Variants in NMNAT2 observed in about 807,000 individuals in gnomAD.
NMNAT2 encodes the protein nicotinamide/nicotinic acid mononucleotide adenylyltransferase 2.
In NMNAT2, 11 loss-of-function variants were observed where a neutral mutation model predicts 41.6. The observed-to-expected ratio is 0.26, with a 90% CI of 0.17 to 0.44. The LOEUF (loss-of-function observed/expected upper bound fraction) is 0.44. Among genes scored for constraint, NMNAT2 ranks in the 20% least tolerant of loss-of-function variants. The probability of loss-of-function intolerance (pLI) is 1.00; values close to 1 mark genes in which losing one functional copy is unlikely to be tolerated. For missense variants in NMNAT2, 288 were observed against 407.7 expected (o/e 0.71, Z 2.53); for synonymous variants, 148 against 151.2 (o/e 0.98, Z 0.16).
At chr1:183,356,878 A>G (rs1004811710) in intron 1 of NMNAT2, among the ~76,000 whole-genome samples, 5 of 152,228 alleles carry the variant, frequency 3.3e-5, no homozygotes, top group African/African-American at 9.6e-5. Flanking sequence ...CTACCGTTAG[A>G]ATTCACAGCC....
At chr1:183,400,855 A>G (rs1648789449) in intron 1 of NMNAT2, among the ~76,000 whole-genome samples, 2 of 152,336 alleles carry the variant, frequency 1.3e-5, no homozygotes, top group East Asian at 1.9e-4. Context: ...AAAACTGGCT[A>G]GCCATATGTA....
intron 1 of NMNAT2, among the ~76,000 whole-genome samples, chr1:183,301,694 A>G (rs1571585124): frequency 6.6e-6 from 1 of 152,196 alleles, no homozygotes; most frequent in African/African-American, 2.4e-5. Context: ...TCCCTTCCTT[A>G]TAGCCTGTGC....
chr1:183,341,725 C>CAAAAAAAAAAAAAAAA lies in NMNAT2; in HGVS notation c.86-47948_86-47933dup, dbSNP rs762935303. On this transcript the variant is annotated intron_variant, in intron 1 of 10. Coordinates refer to ENST00000287713, the MANE Select transcript of NMNAT2 (RefSeq NM_015039.4). ...GAGGAAAAGACAAACAAACAAACACCAAAAAAAAAAAAAAAAAAAAAACCT... is the reference window on the plus strand; with the variant it reads ...GAGGAAAAGACAAACAAACAAACACCAAAAAAAAAAAAAAAAAAAAAAAAAAAAAAAAAAAAAACCT... Among the ~76,000 whole-genome samples, 67 of 22,208 alleles carry CAAAAAAAAAAAAAAAA rather than the reference C, an allele frequency of 3.0e-3. 1 individual carries two copies. Among genetic ancestry groups the CAAAAAAAAAAAAAAAA allele is most frequent in the African/African-American group, 7.2e-3 (45 of 6,242 alleles). The allele number at this position is 22,208 out of a possible 152,430, so 14.6% of individuals were successfully genotyped here. A position where few individuals can be genotyped will look rare whatever the true frequency, so the allele number is the denominator to read the frequency against.
chr1:183,388,315 C>T (rs1648321399), intron 1 of NMNAT2, among the ~76,000 whole-genome samples: 1 of 152,236 alleles, frequency 6.6e-6, no homozygotes, highest in East Asian at 1.9e-4. Context: ...AAACCTTAAG[C>T]AGGCAGGGAT....
intron 1 of NMNAT2, among the ~76,000 whole-genome samples, chr1:183,352,562 C>CA (rs55706245): frequency 0.031 from 2,452 of 78,240 alleles, 46 homozygotes; most frequent in Middle Eastern, 0.036. Context: ...CAGTCTGTCT[C>CA]AAAAAAAAAA....
intron 1 of NMNAT2, among the ~76,000 whole-genome samples, chr1:183,397,041 A>G (rs956774275): frequency 1.3e-5 from 2 of 152,184 alleles, no homozygotes; most frequent in Non-Finnish European, 2.9e-5. Flanking sequence ...ATAGGTCTAC[A>G]TTTCTGCCCA....
At chr1:183,396,961 T>C (rs903849021) in intron 1 of NMNAT2, among the ~76,000 whole-genome samples, 1 of 152,156 alleles carries the variant, frequency 6.6e-6, no homozygotes, top group Admixed American at 6.5e-5. Flanking sequence ...TGCTAACACC[T>C]TCACACTCAA....
intron 1 of NMNAT2, among the ~76,000 whole-genome samples, chr1:183,394,315 A>T (rs1405344214): frequency 6.6e-6 from 1 of 152,212 alleles, no homozygotes; most frequent in East Asian, 1.9e-4. Context: ...GTTTCAGAAG[A>T]TAGTGCTAAG....
chr1:183,374,809 CT>C (rs1311744306), intron 1 of NMNAT2, among the ~76,000 whole-genome samples: 1 of 152,144 alleles, frequency 6.6e-6, no homozygotes, highest in Non-Finnish European at 1.5e-5. Context: ...CTTAGGCAGT[CT>C]TCAGGGCTGA....
chr1:183,284,773 C>A lies in NMNAT2; in HGVS notation c.466G>T (p.Val156Leu). The change falls in exon 6 of 11, where the codon GTG (valine) becomes TTG (leucine). Residue 156 changes from valine to leucine, a missense_variant. Physicochemically the swap from Val to Leu is conservative, Grantham distance 32 (BLOSUM62 1). This residue lies in a region of NMNAT2 where 181 missense variants were observed against 213.7 expected (regional missense o/e 0.85). Transcript: ENST00000287713. ...KPTAAKILGK[V>L]GESLSRICCV... ...CAGATCCGGCTGAGGCTTTCTCCCA[C>A]CTTCCCCAAGATCTTGGCTATGGGA... The A allele has an allele frequency of 6.2e-7, 1 of 1,614,134 alleles. No homozygotes were observed.
intron 1 of NMNAT2, among the ~76,000 whole-genome samples, chr1:183,324,798 C>T (rs1321930886): frequency 2.0e-5 from 3 of 152,178 alleles, no homozygotes. Flanking sequence ...CTTCTTCCCT[C>T]ATCTTTGCTT....
chr1:183,353,817 C>G (rs1486250090), intron 1 of NMNAT2, among the ~76,000 whole-genome samples: 1 of 152,134 alleles, frequency 6.6e-6, no homozygotes, highest in Non-Finnish European at 1.5e-5. Context: ...TGGGAACATC[C>G]TGTTCCTGTC....
intron 1 of NMNAT2, among the ~76,000 whole-genome samples, chr1:183,341,078 G>A (rs767525527): frequency 6.6e-5 from 10 of 152,326 alleles, no homozygotes; most frequent in East Asian, 1.9e-4. Flanking sequence ...GTGGATGGGC[G>A]GCTGGGCTAG....
chr1:183,280,963 T>G (rs1661252765), intron 7 of NMNAT2, among the ~76,000 whole-genome samples: 1 of 151,810 alleles, frequency 6.6e-6, no homozygotes, highest in South Asian at 2.1e-4. Context: ...TTTTGTATTT[T>G]TAGTAGAGAT....
At chr1:183,384,719 G>A (rs529109866) in intron 1 of NMNAT2, among the ~76,000 whole-genome samples, 15 of 152,294 alleles carry the variant, frequency 9.8e-5, no homozygotes, top group South Asian at 8.3e-4. Flanking sequence ...ACTCAAAGAC[G>A]TCTCTCATTG....
At chr1:183,405,212 T>C (rs1408684627) in intron 1 of NMNAT2, among the ~76,000 whole-genome samples, 3 of 152,010 alleles carry the variant, frequency 2.0e-5, no homozygotes, top group Non-Finnish European at 4.4e-5. Context: ...AGAGCAAGAC[T>C]CTGTCTTTAA....
At chr1:183,289,986 A>G in intron 4 of NMNAT2, 142 bp downstream of exon 4, 1 of 626,642 alleles carries the variant, frequency 1.6e-6, no homozygotes. Context: ...TCTCTCTCAC[A>G]ACCGGCAGAG....
At chr1:183,332,768 T>C (rs1325505426) in intron 1 of NMNAT2, among the ~76,000 whole-genome samples, 2 of 152,178 alleles carry the variant, frequency 1.3e-5, no homozygotes, top group Non-Finnish European at 2.9e-5. Flanking sequence ...ACAGCTTCCT[T>C]GGATCTAGCA....
chr1:183,284,863 G>A (rs1330980530), intron 5 of NMNAT2, 73 bp from the exon 6 acceptor site: 17 of 1,224,828 alleles, frequency 1.4e-5, no homozygotes, highest in Non-Finnish European at 1.7e-5. Context: ...ATGTCGGCCC[G>A]GCATTGGGGC....
Sources: allele counts gnomAD v4.1 joint callset (sites outside exome capture counted in the v4.1 genomes callset), GRCh38; gene constraint gnomAD v4.1.1; regional missense constraint gnomAD v4.1.1; transcripts MANE v1.5; gene names NCBI Gene and HGNC (gene_info 2026-07-23, HGNC 2026-07-21).